The following KLHL8 variants were observed in gnomAD, a reference collection of about 807,000 sequenced individuals.
The protein encoded by KLHL8 is kelch-like protein 8.
In KLHL8, 38 loss-of-function variants were observed where a neutral mutation model predicts 63.5. That is an observed-to-expected ratio of 0.60 (90% confidence interval 0.46 to 0.78). KLHL8 has a LOEUF of 0.78. Ranked by LOEUF, KLHL8 falls within the 30% of genes least tolerant of loss-of-function variation. The pLI, the probability that KLHL8 is intolerant of heterozygous loss-of-function variation, is 0.00. For missense variants in KLHL8, 566 were observed against 752.4 expected (o/e 0.75, Z 2.90); for synonymous variants, 224 against 254.3 (o/e 0.88, Z 1.13).
chr4:87,197,814 C>T (rs1294014183), intron 1 of KLHL8, among the ~76,000 whole-genome samples: 2 of 152,066 alleles, frequency 1.3e-5, no homozygotes, highest in African/African-American at 4.8e-5. Context: ...AAATAGAAAA[C>T]AAATAGCATA....
At chr4:87,182,877 T>C (rs928417416) in intron 4 of KLHL8, among the ~76,000 whole-genome samples, 4 of 152,188 alleles carry the variant, frequency 2.6e-5, no homozygotes, top group African/African-American at 9.7e-5. Context: ...TCAGCTGTCT[T>C]TGAAGAACTT....
At chr4:87,232,637 A>G (rs1167824219) in intron 1 of KLHL8, among the ~76,000 whole-genome samples, 1 of 152,250 alleles carries the variant, frequency 6.6e-6, no homozygotes, top group South Asian at 2.1e-4. Flanking sequence ...CTTTTAAGGT[A>G]GTTTTCTGAG....
At chr4:87,176,265 A>T (rs188684957) in intron 6 of KLHL8, among the ~76,000 whole-genome samples, 89 of 152,294 alleles carry the variant, frequency 5.8e-4, no homozygotes, top group Non-Finnish European at 9.6e-4. Context: ...TGGCATTTGG[A>T]CTAGAAGATT....
intron 1 of KLHL8, among the ~76,000 whole-genome samples, chr4:87,203,447 G>A (rs542872168): frequency 2.6e-5 from 4 of 151,588 alleles, no homozygotes; most frequent in South Asian, 2.1e-4. Flanking sequence ...GGAGAATGGC[G>A]TGAACCTGGG....
intron 1 of KLHL8, among the ~76,000 whole-genome samples, chr4:87,232,110 T>A (rs1560725702): frequency 6.6e-6 from 1 of 152,238 alleles, no homozygotes; most frequent in Non-Finnish European, 1.5e-5. Context: ...AAAAGGATAA[T>A]TAAATAGAAC....
At chr4:87,235,073 G>T (rs971965411) in intron 1 of KLHL8, among the ~76,000 whole-genome samples, 5 of 152,146 alleles carry the variant, frequency 3.3e-5, no homozygotes, top group Non-Finnish European at 5.9e-5. Flanking sequence ...TATTACCAGA[G>T]AAAGAATAAA....
intron 1 of KLHL8, among the ~76,000 whole-genome samples, chr4:87,200,286 A>G (rs1017875472): frequency 2.6e-5 from 4 of 152,100 alleles, no homozygotes; most frequent in African/African-American, 9.7e-5. Context: ...AGATACCAAA[A>G]TCCTTGTATC....
intron 8 of KLHL8, among the ~76,000 whole-genome samples, chr4:87,164,764 T>C (rs1730309431): frequency 6.6e-6 from 1 of 152,144 alleles, no homozygotes; most frequent in African/African-American, 2.4e-5. Flanking sequence ...CTTTTTGAGC[T>C]CCAAGTCTAA....
intron 8 of KLHL8, 30 bp from the exon 9 acceptor site, chr4:87,164,109 T>A (rs1321540652): frequency 1.3e-6 from 2 of 1,539,894 alleles, no homozygotes; most frequent in Admixed American, 3.4e-5. Flanking sequence ...AAAAACAGCA[T>A]TACATTCCTT....
intron 8 of KLHL8, chr4:87,167,800 CACTT>C (rs1223856677): frequency 4.9e-6 from 1 of 203,890 alleles, no homozygotes; most frequent in African/African-American, 2.3e-5. Flanking sequence ...AAGTATTTGT[CACTT>C]ACAAAATCAA....
Position 87,210,562 on chromosome 4 carries a change from A to G in KLHL8, c.-152+9856T>C, listed in dbSNP as rs537241274. On this transcript the variant is annotated intron_variant, in intron 1 of 9. Transcript: ENST00000273963. Reference sequence around the variant, plus strand: ...TTTTGGATACAAAAGATTATATTTTATAGCAGTATGTGATTAATTTTAGAG... The same window carrying G: ...TTTTGGATACAAAAGATTATATTTTGTAGCAGTATGTGATTAATTTTAGAG... 8.0e-4 allele frequency among the ~76,000 whole-genome samples: 122 copies of G among 152,338 alleles called. 1 individual carries two copies. The highest frequency in any genetic ancestry group is 2.8e-3 in the African/African-American group (115 of 41,576).
chr4:87,177,533 A>G (rs1004069132), intron 5 of KLHL8, among the ~76,000 whole-genome samples: 1 of 135,018 alleles, frequency 7.4e-6, no homozygotes, highest in Admixed American at 7.4e-5. Context: ...CAAACAAACA[A>G]AAACTATATA....
At chr4:87,225,115 A>G (rs7435034), upstream of KLHL8, among the ~76,000 whole-genome samples, 106,867 of 151,736 alleles carry the variant, frequency 0.7, 38,247 homozygotes, top group East Asian at 0.87. Flanking sequence ...TAAAGTTCCC[A>G]ATTTTTCTGT....
chr4:87,195,721 C>T, intron 1 of KLHL8, 31 bp from the exon 2 acceptor site: 1 of 497,690 alleles, frequency 2.0e-6, no homozygotes, highest in East Asian at 3.1e-5. Flanking sequence ...CAGGTAGAGA[C>T]AAACGAAAAG....
chr4:87,184,999 G>A (rs1731195876), intron 3 of KLHL8, among the ~76,000 whole-genome samples: 1 of 151,948 alleles, frequency 6.6e-6, no homozygotes, highest in African/African-American at 2.4e-5. Context: ...GTATCCCAAA[G>A]GAATATTTTA....
At chr4:87,167,656 T>C (rs1452635038) in intron 8 of KLHL8, 4 of 412,496 alleles carry the variant, frequency 9.7e-6, no homozygotes, top group Non-Finnish European at 1.9e-5. Context: ...GAGGGTTCTT[T>C]GGATGTAGAC....
intron 1 of KLHL8, among the ~76,000 whole-genome samples, chr4:87,216,031 CA>C (rs1732582296): frequency 6.6e-6 from 1 of 152,092 alleles, no homozygotes. Context: ...AAACAAAGAA[CA>C]TCCAAATTTA....
chr4:87,237,696 A>G (rs976608153), intron 1 of KLHL8, among the ~76,000 whole-genome samples: 1 of 152,098 alleles, frequency 6.6e-6, no homozygotes, highest in African/African-American at 2.4e-5. Context: ...GTATGGTGGC[A>G]TGCACCTGTG....
chr4:87,167,188 C>G, intron 8 of KLHL8: 1 of 530,290 alleles, frequency 1.9e-6, no homozygotes, highest in Non-Finnish European at 3.6e-6. Flanking sequence ...ACTGTTTATC[C>G]ACCCCCACAC....
Sources: gnomAD v4.1 joint callset for allele counts (sites outside exome capture counted in the v4.1 genomes callset) on GRCh38, gnomAD v4.1.1 for gene constraint, MANE v1.5 for transcripts, NCBI Gene and HGNC (gene_info 2026-07-23, HGNC 2026-07-21) for gene names.